The following RYK variants were observed in gnomAD, a reference collection of about 807,000 sequenced individuals.
RYK encodes the protein receptor like tyrosine kinase.
In RYK, 21 loss-of-function variants were observed where a neutral mutation model predicts 70.2. That is an observed-to-expected ratio of 0.30 (90% CI 0.21 to 0.43). RYK has a LOEUF of 0.43. Ranked by LOEUF, RYK falls within the 20% of genes least tolerant of loss-of-function variation. The pLI, the probability that RYK is intolerant of heterozygous loss-of-function variation, is 1.00. For synonymous variants in RYK, 267 were observed against 278.0 expected, an observed-to-expected ratio of 0.96 and a Z score of 0.39; for missense variants, 604 against 753.3, an observed-to-expected ratio of 0.80 and a Z score of 2.32.
chr3:134,203,829 C>T (rs1025475985), intron 5 of RYK, among the ~76,000 whole-genome samples: 2 of 152,108 alleles, frequency 1.3e-5, no homozygotes, highest in African/African-American at 4.8e-5. Context: ...TCACCTGTGG[C>T]TATTAAGCAT....
At chr3:134,195,349 A>G (rs780179782) in intron 6 of RYK, 167 bp from the exon 7 acceptor site, 3 of 532,368 alleles carry the variant, frequency 5.6e-6, no homozygotes, top group Non-Finnish European at 9.8e-6. Context: ...TAACTCCTAT[A>G]GAGCTCTATT....
chr3:134,224,015 T>C (rs962730652), intron 1 of RYK, among the ~76,000 whole-genome samples: 20 of 152,162 alleles, frequency 1.3e-4, no homozygotes, highest in African/African-American at 4.8e-4. Flanking sequence ...GCACGCCACA[T>C]AGGGGAAAGC....
At chr3:134,231,193 C>CAAAAAAAAAA (rs76361855) in intron 1 of RYK, among the ~76,000 whole-genome samples, 1 of 107,432 alleles carries the variant, frequency 9.3e-6, no homozygotes, top group Non-Finnish European at 2.0e-5. Context: ...CAGACAAGAC[C>CAAAAAAAAAA]AAAAAAAAAA....
rs1046046882 is a variant in RYK at position 134,250,511 on chromosome 3, G to T, written c.144C>A (p.Pro48=). 1.9e-5 allele frequency: 24 copies of T among 1,242,562 alleles called. No individual in the cohort carries two copies. The African/African-American group carries it at 3.0e-4, about 15-fold the overall frequency. 77.0% of individuals were successfully genotyped at this position (1,242,562 alleles called of 1,614,324 possible). The change falls in exon 1 of 15, where the codon CCC becomes CCA. Residue 48 remains proline, a synonymous_variant. Coordinates refer to ENST00000623711, the MANE Select transcript of RYK (RefSeq NM_002958.4). ...ACTGCAGCTCCGGGGGCCGCGGGGC[G>T]GGGGCGGCGGCAGCGCCAGGCGCGG... ...LLPAPGAAAA[P]APRPPELQSA... is the part of the protein sequence containing the mutation.
chr3:134,232,369 A>G (rs2015078981), intron 1 of RYK, among the ~76,000 whole-genome samples: 3 of 152,204 alleles, frequency 2.0e-5, no homozygotes, highest in Admixed American at 2.0e-4. Flanking sequence ...CTCTGGTGCT[A>G]TAATTGAATG....
At chr3:134,185,626 T>C (rs2013437195) in intron 9 of RYK, among the ~76,000 whole-genome samples, 1 of 152,186 alleles carries the variant, frequency 6.6e-6, no homozygotes, top group Admixed American at 6.5e-5. Context: ...AAAATGTGCC[T>C]TTATTACTCT....
chr3:134,201,965 G>A (rs2014041250), intron 6 of RYK, among the ~76,000 whole-genome samples: 1 of 152,128 alleles, frequency 6.6e-6, no homozygotes, highest in African/African-American at 2.4e-5. Flanking sequence ...TGTCCTCCTT[G>A]TCATCTCTGA....
At chr3:134,246,343 C>CACAGAG (rs1553713139) in intron 1 of RYK, among the ~76,000 whole-genome samples, 6 of 105,796 alleles carry the variant, frequency 5.7e-5, no homozygotes, top group African/African-American at 1.4e-4. Flanking sequence ...CACACACACA[C>CACAGAG]AGAGAGAGAG....
In RYK at chr3:134,209,236, A is replaced by G. The variant is rs1228367596; in HGVS notation, c.589+459T>C. Among the ~76,000 whole-genome samples the G allele has an allele frequency of 3.9e-5, 6 of 152,244 alleles. No homozygotes were observed. The East Asian group carries it at 1.2e-3, about 29-fold the overall frequency. ...GAAACAGGTATTATGCCCATTTTAC[A>G]GATGAAAAAACTAAGCCTCAGAGAG... On this transcript the variant is annotated intron_variant, in intron 4 of 14. Transcript: ENST00000623711.
chr3:134,225,686 T>C lies in RYK; in HGVS notation c.233-3147A>G, dbSNP rs181201539. Among the ~76,000 whole-genome samples, 346 of 152,142 alleles carry C rather than the reference T, an allele frequency of 2.3e-3. 1 individual carries two copies. The highest frequency in any genetic ancestry group is 7.4e-3 in the African/African-American group (307 of 41,510). Reference sequence around the variant, plus strand: ...CTGGGCAACACAGCAACAACCCATCTCTATAAAAAACTTTTTTTAAATTAG... The same window carrying C: ...CTGGGCAACACAGCAACAACCCATCCCTATAAAAAACTTTTTTTAAATTAG... On this transcript the variant is annotated intron_variant, in intron 1 of 14. Transcript: ENST00000623711.
At chr3:134,165,702 A>G (rs1435454241) in intron 13 of RYK, among the ~76,000 whole-genome samples, 1 of 152,160 alleles carries the variant, frequency 6.6e-6, no homozygotes, top group Non-Finnish European at 1.5e-5. Context: ...TACGAAGCCA[A>G]AGGGAATTAT....
At chr3:134,176,841 G>T (rs1249180725) in intron 11 of RYK, among the ~76,000 whole-genome samples, 1 of 151,982 alleles carries the variant, frequency 6.6e-6, no homozygotes, top group African/African-American at 2.4e-5. Flanking sequence ...ACGAGGTCAG[G>T]AGATTGAGAC....
At chr3:134,227,089 G>A (rs2014929674) in intron 1 of RYK, among the ~76,000 whole-genome samples, 3 of 152,036 alleles carry the variant, frequency 2.0e-5, no homozygotes, top group Admixed American at 2.0e-4. Flanking sequence ...ATTTAGCAAG[G>A]TCTCAGAATA....
intron 2 of RYK, among the ~76,000 whole-genome samples, chr3:134,222,147 C>T (rs1384090482): frequency 2.0e-5 from 3 of 152,226 alleles, no homozygotes; most frequent in African/African-American, 7.2e-5. Flanking sequence ...CAAGCTAGGT[C>T]TGGATCTCTG....
At chr3:134,163,561 C>T (rs2012553923) in intron 13 of RYK, among the ~76,000 whole-genome samples, 1 of 152,072 alleles carries the variant, frequency 6.6e-6, no homozygotes. Flanking sequence ...TCCACTAAAA[C>T]ATATATGAAT....
At position 134,195,064 on chromosome 3, in the gene RYK, A is replaced by T; in HGVS notation, c.889+18T>A. On this transcript the variant is annotated intron_variant, in intron 7 of 14. Transcript: ENST00000623711. ...GACAACTTGAGTAAACTGGCTTTAG[A>T]ATTAAATTAACTCTTACTGGTGATA... The T allele has an allele frequency of 1.3e-6, 2 of 1,565,456 alleles. No homozygotes were observed. The highest frequency in any genetic ancestry group is 8.8e-7 in the Non-Finnish European group (1 of 1,136,190).
At chr3:134,200,500 G>T (rs549246169) in intron 6 of RYK, among the ~76,000 whole-genome samples, 2 of 152,102 alleles carry the variant, frequency 1.3e-5, no homozygotes. Flanking sequence ...GAGAGTCCGC[G>T]GCTTCATTCT....
At chr3:134,192,111 A>G (rs966980576) in intron 7 of RYK, 137 bp from the exon 8 acceptor site, 7 of 781,832 alleles carry the variant, frequency 9.0e-6, no homozygotes, top group Non-Finnish European at 1.4e-5. Flanking sequence ...AGGCATATAT[A>G]TGAACTAGGA....
At chr3:134,172,335 T>C (rs1310740079) in intron 13 of RYK, among the ~76,000 whole-genome samples, 2 of 152,222 alleles carry the variant, frequency 1.3e-5, no homozygotes, top group Non-Finnish European at 2.9e-5. Flanking sequence ...ACTGCTCTAA[T>C]TCAACTGATA....
Sources: gnomAD v4.1 joint callset for allele counts (sites outside exome capture counted in the v4.1 genomes callset) on GRCh38, gnomAD v4.1.1 for gene constraint, MANE v1.5 for transcripts, NCBI Gene and HGNC (gene_info 2026-07-23, HGNC 2026-07-21) for gene names.